ANKRD17: variants seen among roughly 807,000 people sequenced by gnomAD.
The protein encoded by ANKRD17 is ankyrin repeat domain 17.
In ANKRD17, 19 loss-of-function variants were observed where a neutral mutation model predicts 229.7. That is an observed-to-expected ratio of 0.08 (90% CI 0.06 to 0.12). ANKRD17 has a LOEUF of 0.12. ANKRD17 is among the 10% of genes least tolerant of loss of function. The pLI, the probability that ANKRD17 is intolerant of heterozygous loss-of-function variation, is 1.00. For synonymous variants in ANKRD17, 1,112 were observed against 1,146.1 expected (o/e 0.97, Z 0.60); for missense variants, 2,176 against 3,176.8 (o/e 0.68, Z 7.57).
At chr4:73,167,877 G>A (rs1733439333) in intron 2 of ANKRD17, among the ~76,000 whole-genome samples, 2 of 152,250 alleles carry the variant, frequency 1.3e-5, no homozygotes, top group African/African-American at 4.8e-5. Context: ...TACCGGTTGG[G>A]CACAGTGGCT....
At chr4:73,167,235 G>A (rs75368922) in intron 2 of ANKRD17, among the ~76,000 whole-genome samples, 2,914 of 152,206 alleles carry the variant, frequency 0.019, 94 homozygotes, top group African/African-American at 0.066. Context: ...TCTTAGATTT[G>A]TATGTGAGAA....
chr4:73,099,064 G>T (rs879066326), intron 25 of ANKRD17: 1 of 937,346 alleles, frequency 1.1e-6, no homozygotes, highest in Non-Finnish European at 1.7e-6. Flanking sequence ...CTCCAGGAAG[G>T]AAACCAAGGG....
At chr4:73,215,383 C>A (rs1331821786) in intron 1 of ANKRD17, among the ~76,000 whole-genome samples, 3 of 152,028 alleles carry the variant, frequency 2.0e-5, no homozygotes, top group African/African-American at 7.2e-5. Flanking sequence ...CCTCAGCCTG[C>A]CGAGTAGCTG....
intron 1 of ANKRD17, among the ~76,000 whole-genome samples, chr4:73,216,953 C>A: frequency 6.6e-6 from 1 of 152,130 alleles, no homozygotes; most frequent in East Asian, 1.9e-4. Context: ...TAAACCAAAC[C>A]AATGGTTAAC....
At chr4:73,238,760 T>C (rs192171671) in intron 1 of ANKRD17, among the ~76,000 whole-genome samples, 47 of 152,200 alleles carry the variant, frequency 3.1e-4, no homozygotes, top group African/African-American at 9.9e-4. Context: ...CTTGAGCAAT[T>C]ACTAGGGAGG....
intron 6 of ANKRD17, among the ~76,000 whole-genome samples, chr4:73,152,757 T>C (rs529811890): frequency 6.6e-6 from 1 of 152,008 alleles, no homozygotes; most frequent in South Asian, 2.1e-4. Context: ...AGCCACCCAA[T>C]CAACCCACTC....
At chr4:73,164,647 C>A (rs2148931198) in intron 2 of ANKRD17, among the ~76,000 whole-genome samples, 1 of 152,204 alleles carries the variant, frequency 6.6e-6, no homozygotes, top group Admixed American at 6.5e-5. Context: ...ACAAAATTAG[C>A]TGGACATGGT....
intron 2 of ANKRD17, among the ~76,000 whole-genome samples, chr4:73,166,508 C>G (rs1733249196): frequency 6.6e-6 from 1 of 152,106 alleles, no homozygotes; most frequent in Admixed American, 6.5e-5. Flanking sequence ...CTCAAGCATC[C>G]TTTCTCAAGA....
At chr4:73,152,262 A>C (rs1731095000) in intron 6 of ANKRD17, among the ~76,000 whole-genome samples, 1 of 152,202 alleles carries the variant, frequency 6.6e-6, no homozygotes, top group Non-Finnish European at 1.5e-5. Flanking sequence ...AGGCGGGAGA[A>C]GGACAGATAG....
At chr4:73,095,150 G>A (rs1327323359) in intron 27 of ANKRD17, among the ~76,000 whole-genome samples, 2 of 151,924 alleles carry the variant, frequency 1.3e-5, no homozygotes, top group African/African-American at 4.8e-5. Flanking sequence ...CTCCAGCCTG[G>A]GTGACAGAGT....
chr4:73,125,416 A>C, intron 16 of ANKRD17, 104 bp from the exon 17 acceptor site: 1 of 832,846 alleles, frequency 1.2e-6, no homozygotes, highest in Non-Finnish European at 1.9e-6. Context: ...CATATGTACC[A>C]CTCTACAATA....
chr4:73,090,653 A>C lies in ANKRD17; in HGVS notation c.6961+14T>G. On this transcript the variant is annotated intron_variant, in intron 29 of 33. Transcript: ENST00000358602. ...AAATGAACAGCTGCAGAATCTCAGA[A>C]AATATAAACTCACCTGAGGGACTTG... 6.2e-7 allele frequency: 1 copy of C among 1,613,628 alleles called. No homozygotes were observed. The highest frequency in any genetic ancestry group is 8.5e-7 in the Non-Finnish European group (1 of 1,179,900).
In ANKRD17 at chr4:73,142,396, G is replaced by T. The variant is rs779342834; in HGVS notation, c.2086-11C>A. 4 of 1,584,562 alleles carry T rather than the reference G, an allele frequency of 2.5e-6. No individual in the cohort carries two copies. Among genetic ancestry groups the T allele is most frequent in the Non-Finnish European group, 3.4e-6 (4 of 1,173,392 alleles). ...CATAGTTGAGCCATCCTAAAAGAGT[G>T]AATATGGAAGGGGAAAAAAAGTGAA... On this transcript the variant is annotated splice_polypyrimidine_tract_variant and intron_variant, in intron 12 of 33. Coordinates refer to ENST00000358602, the MANE Select transcript of ANKRD17 (RefSeq NM_032217.5).
At chr4:73,090,077 A>G (rs1349878117) in intron 29 of ANKRD17, among the ~76,000 whole-genome samples, 1 of 152,134 alleles carries the variant, frequency 6.6e-6, no homozygotes, top group African/African-American at 2.4e-5. Flanking sequence ...TGGTGACAGT[A>G]CCTTATTAAA....
chr4:73,216,425 A>G (rs1346551871), intron 1 of ANKRD17, among the ~76,000 whole-genome samples: 1 of 152,218 alleles, frequency 6.6e-6, no homozygotes, highest in Non-Finnish European at 1.5e-5. Flanking sequence ...CCTAAGACCA[A>G]AAGAATTTAA....
intron 25 of ANKRD17, among the ~76,000 whole-genome samples, chr4:73,099,326 C>T (rs1328126778): frequency 6.6e-6 from 1 of 152,148 alleles, no homozygotes; most frequent in Non-Finnish European, 1.5e-5. Flanking sequence ...CCAGCCACTG[C>T]AGGGGCCCCA....
At chr4:73,175,492 G>A (rs1171017644) in intron 2 of ANKRD17, among the ~76,000 whole-genome samples, 1 of 152,150 alleles carries the variant, frequency 6.6e-6, no homozygotes, top group African/African-American at 2.4e-5. Context: ...ATCCAGAATA[G>A]CCAAAGATAT....
chr4:73,082,576 G>A (rs1202997466), intron 30 of ANKRD17, among the ~76,000 whole-genome samples: 1 of 152,118 alleles, frequency 6.6e-6, no homozygotes, highest in African/African-American at 2.4e-5. Context: ...AACAAAAAGT[G>A]CTCCTACAGT....
intron 11 of ANKRD17, among the ~76,000 whole-genome samples, chr4:73,143,184 A>G (rs866037643): frequency 6.6e-6 from 1 of 152,232 alleles, no homozygotes; most frequent in South Asian, 2.1e-4. Context: ...TAGAGAATAA[A>G]CACTAAATAG....
Sources: gnomAD v4.1 joint callset for allele counts (sites outside exome capture counted in the v4.1 genomes callset) on GRCh38, gnomAD v4.1.1 for gene constraint, MANE v1.5 for transcripts, NCBI Gene and HGNC (gene_info 2026-07-23, HGNC 2026-07-21) for gene names.